The following HCRTR2 variants were observed in gnomAD, a reference collection of about 807,000 sequenced individuals.
HCRTR2 encodes the protein orexin receptor type 2.
A neutral mutation model predicts 49.0 loss-of-function variants in HCRTR2; 22 were observed. The observed-to-expected ratio is 0.45, with a 90% CI of 0.32 to 0.64. The LOEUF is 0.64. Ranked by LOEUF, HCRTR2 falls within the 30% of genes least tolerant of loss-of-function variation. The probability of loss-of-function intolerance (pLI) is 0.04; values close to 1 mark genes in which losing one functional copy is unlikely to be tolerated. For synonymous variants in HCRTR2, 236 were observed against 205.3 expected (o/e 1.15, Z -1.28); for missense variants, 491 against 559.4 (o/e 0.88, Z 1.23).
At chr6:55,197,516 A>C (rs1765438735) in intron 1 of HCRTR2, among the ~76,000 whole-genome samples, 1 of 152,142 alleles carries the variant, frequency 6.6e-6, no homozygotes, top group Non-Finnish European at 1.5e-5. Context: ...CCTATGTCTA[A>C]CACGACCTCT....
At chr6:55,181,568 A>C (rs1765134745) in intron 1 of HCRTR2, among the ~76,000 whole-genome samples, 2 of 152,202 alleles carry the variant, frequency 1.3e-5, no homozygotes, top group Non-Finnish European at 2.9e-5. Context: ...TTTACTCTTC[A>C]GAAGATATTT....
chr6:55,185,090 A>T (rs1490107803), intron 1 of HCRTR2, among the ~76,000 whole-genome samples: 1 of 152,210 alleles, frequency 6.6e-6, no homozygotes, highest in African/African-American at 2.4e-5. Flanking sequence ...TTATTATATT[A>T]AACCGAATCA....
chr6:55,270,949 A>G (rs113408586), intron 4 of HCRTR2, among the ~76,000 whole-genome samples: 2,229 of 152,300 alleles, frequency 0.015, 51 homozygotes, highest in African/African-American at 0.049. Context: ...GGAAGATTCA[A>G]TCTTGTTAAA....
In HCRTR2 at chr6:55,241,730, A is replaced by T. The variant is rs149640533; in HGVS notation, c.224-6909A>T. ...GTTTTCTTTCAATCTTTTAAAAAAT[A>T]CCATATTTATAAAATGAGTCATTAA... On this transcript the variant is annotated intron_variant, in intron 1 of 6. Transcript: ENST00000370862. Among the ~76,000 whole-genome samples the T allele has an allele frequency of 3.0e-3, 457 of 152,172 alleles. 2 individuals are homozygous for T. The highest frequency in any genetic ancestry group is 0.01 in the African/African-American group (433 of 41,522).
chr6:55,225,150 A>T (rs997977106), intron 1 of HCRTR2, among the ~76,000 whole-genome samples: 2 of 152,218 alleles, frequency 1.3e-5, no homozygotes, highest in African/African-American at 4.8e-5. Context: ...CTTAAAAAAT[A>T]TTAAAGATTT....
chr6:55,242,189 T>TGA (rs1766349325), intron 1 of HCRTR2, among the ~76,000 whole-genome samples: 1 of 152,134 alleles, frequency 6.6e-6, no homozygotes, highest in South Asian at 2.1e-4. Flanking sequence ...TTTTTAAAAT[T>TGA]GTGGTAAAAT....
chr6:55,272,053 C>A (rs146199006), intron 4 of HCRTR2, among the ~76,000 whole-genome samples: 2 of 152,190 alleles, frequency 1.3e-5, no homozygotes, highest in Non-Finnish European at 2.9e-5. Flanking sequence ...CAAAAACTTA[C>A]ACATGAATGT....
chr6:55,138,083 G>A (rs1018906550), intron 1 of HCRTR2, among the ~76,000 whole-genome samples: 1 of 152,080 alleles, frequency 6.6e-6, no homozygotes, highest in Non-Finnish European at 1.5e-5. Context: ...TAGGAGCAAT[G>A]ATCACTTTTA....
At chr6:55,200,450 G>A (rs1765494265) in intron 1 of HCRTR2, among the ~76,000 whole-genome samples, 1 of 152,090 alleles carries the variant, frequency 6.6e-6, no homozygotes, top group Non-Finnish European at 1.5e-5. Context: ...ATTTTTAGTA[G>A]AGATGGGGTT....
intron 1 of HCRTR2, among the ~76,000 whole-genome samples, chr6:55,163,505 G>C (rs1313271637): frequency 6.6e-6 from 1 of 152,056 alleles, no homozygotes; most frequent in Non-Finnish European, 1.5e-5. Flanking sequence ...TGACAAACCT[G>C]ACAAAAACAA....
chr6:55,212,983 G>T (rs1765722800), intron 1 of HCRTR2, among the ~76,000 whole-genome samples: 1 of 152,088 alleles, frequency 6.6e-6, no homozygotes, highest in Admixed American at 6.6e-5. Flanking sequence ...CATTGGTATT[G>T]TAGCTATGGC....
intron 1 of HCRTR2, among the ~76,000 whole-genome samples, chr6:55,236,213 A>G (rs1188768334): frequency 1.3e-5 from 2 of 151,928 alleles, no homozygotes; most frequent in African/African-American, 2.4e-5. Context: ...TGTGTTTCTC[A>G]TTATTTTTTT....
At chr6:55,221,682 G>A (rs1457937968) in intron 1 of HCRTR2, among the ~76,000 whole-genome samples, 1 of 151,912 alleles carries the variant, frequency 6.6e-6, no homozygotes, top group African/African-American at 2.4e-5. Context: ...GCGTGGTGGT[G>A]GGCGCCTGTA....
chr6:55,242,287 G>A (rs1008552945), intron 1 of HCRTR2, among the ~76,000 whole-genome samples: 3 of 152,032 alleles, frequency 2.0e-5, no homozygotes, highest in Admixed American at 1.3e-4. Flanking sequence ...TGCAACCATC[G>A]TCACTATCCA....
chr6:55,170,587 ATTTATTTT>A (rs141612726), upstream of HCRTR2, among the ~76,000 whole-genome samples: 8,167 of 151,794 alleles, frequency 0.054, 318 homozygotes, highest in African/African-American at 0.11. Context: ...TTATTTATTT[ATTTATTTT>A]TATTATACTT....
intron 1 of HCRTR2, among the ~76,000 whole-genome samples, chr6:55,211,143 G>C (rs950471980): frequency 2.6e-5 from 4 of 152,224 alleles, no homozygotes; most frequent in Admixed American, 2.6e-4. Flanking sequence ...TATACCATTA[G>C]ATTTGTGTAA....
chr6:55,115,734 A>G (rs1764107106), intron 1 of HCRTR2, among the ~76,000 whole-genome samples: 2 of 151,720 alleles, frequency 1.3e-5, no homozygotes, highest in South Asian at 4.1e-4. Flanking sequence ...TAGTAGATTT[A>G]GGGATATCAG....
At chr6:55,268,404 A>C (rs1005940084) in intron 4 of HCRTR2, among the ~76,000 whole-genome samples, 1 of 152,094 alleles carries the variant, frequency 6.6e-6, no homozygotes, top group Non-Finnish European at 1.5e-5. Flanking sequence ...AAGGGCATAG[A>C]TTGACATAAT....
intron 1 of HCRTR2, among the ~76,000 whole-genome samples, chr6:55,246,785 T>C (rs986432889): frequency 6.6e-6 from 1 of 152,088 alleles, no homozygotes; most frequent in Admixed American, 6.6e-5. Flanking sequence ...CACTTCCTAG[T>C]GTTATTATGA....
Sources: allele counts gnomAD v4.1 joint callset (sites outside exome capture counted in the v4.1 genomes callset), GRCh38; gene constraint gnomAD v4.1.1; transcripts MANE v1.5; gene names NCBI Gene and HGNC (gene_info 2026-07-23, HGNC 2026-07-21).